The following DNAJC14 variants were observed in gnomAD, a reference collection of about 807,000 sequenced individuals.
DNAJC14 encodes the protein dnaJ homolog subfamily C member 14.
In DNAJC14, 12 loss-of-function variants were observed where a neutral mutation model predicts 68.8. That is an observed-to-expected ratio of 0.17 (90% confidence interval 0.11 to 0.28). The LOEUF (loss-of-function observed/expected upper bound fraction) is 0.28, where lower values mean the gene tolerates loss of function less well. DNAJC14 is among the 10% of genes least tolerant of loss of function. The pLI, the probability that DNAJC14 is intolerant of heterozygous loss-of-function variation, is 1.00. For missense variants in DNAJC14, 764 were observed against 875.6 expected, an observed-to-expected ratio of 0.87 and a Z score of 1.61; for synonymous variants, 350 against 321.5, an observed-to-expected ratio of 1.09 and a Z score of -0.95.
At chr12:55,829,300 C>T (rs1452850415) in intron 1 of DNAJC14, 189 bp downstream of exon 1, 2 of 876,190 alleles carry the variant, frequency 2.3e-6, no homozygotes, top group Non-Finnish European at 2.7e-6. Context: ...CAGAAATTCG[C>T]CAGGCGTGGT....
At chr12:55,829,313 C>T in intron 1 of DNAJC14, 176 bp downstream of exon 1, 1 of 881,240 alleles carries the variant, frequency 1.1e-6, no homozygotes, top group Non-Finnish European at 1.4e-6. Context: ...GGCGTGGTGG[C>T]GCGCACCTGT....
chr12:55,828,674 T>C lies in DNAJC14; in HGVS notation c.-16A>G, dbSNP rs1237006492. ...TCTGGGCCATGACCCCGGGGCTTCC[T>C]GAGGGTCTTAGGTCACAGCCATCAT... On this transcript the variant is annotated 5_prime_UTR_variant, in exon 2 of 7. Coordinates refer to ENST00000678005, the MANE Select transcript of DNAJC14 (RefSeq NM_032364.6). 1.2e-6 allele frequency: 2 copies of C among 1,604,902 alleles called. No homozygotes were observed. The highest frequency in any genetic ancestry group is 1.7e-6 in the Non-Finnish European group (2 of 1,174,618).
Position 55,828,237 on chromosome 12 carries a change from G to A in DNAJC14, c.422C>T (p.Pro141Leu), listed in dbSNP as rs1880858254. The A allele has an allele frequency of 6.2e-7, 1 of 1,608,302 alleles. No individual in the cohort carries two copies. Among genetic ancestry groups the A allele is most frequent in the East Asian group, 2.2e-5 (1 of 44,838 alleles). The change falls in exon 2 of 7, where the codon CCT becomes CTT. Residue 141 changes from proline to leucine, a missense_variant. This residue lies in a region of DNAJC14 where 514 missense variants were observed against 521.7 expected (regional missense o/e 0.99). Coordinates refer to ENST00000678005, the MANE Select transcript of DNAJC14 (RefSeq NM_032364.6). ...AGAACCATTTCCTCCCTCAGAGTAA[G>A]GCCCTTCTGGAATTCCAGGTGTTCC... Reference protein sequence around the residue: ...CQGTPGIPEGPYSEGGNGSSS... With the variant: ...CQGTPGIPEGLYSEGGNGSSS...
intron 6 of DNAJC14, 32 bp downstream of exon 6, chr12:55,822,341 G>C: frequency 6.2e-7 from 1 of 1,601,242 alleles, no homozygotes. Context: ...AACTGAAATA[G>C]TGGATAGATT....
Position 55,828,739 on chromosome 12 carries a change from C to T in DNAJC14, c.-56-25G>A, listed in dbSNP as rs1269563312. The stretch of plus-strand genomic sequence containing the variant: ...CCTGTAACAGATATCAAGGTGGAGA[C>T]AGTCAAGGATGAGACCAAGAGAGGA... On this transcript the variant is annotated intron_variant, in intron 1 of 6. Coordinates refer to ENST00000678005, the MANE Select transcript of DNAJC14 (RefSeq NM_032364.6). 20 of 1,490,112 alleles carry T rather than the reference C, an allele frequency of 1.3e-5. No individual in the cohort carries two copies. In the South Asian group the frequency reaches 2.1e-4, roughly 16 times the overall value. The allele number at this position is 1,490,112 out of a possible 1,614,324, so 92.3% of individuals were successfully genotyped here.
rs777519821 is a variant in DNAJC14, at chr12:55,828,078, G to C, written c.581C>G (p.Ser194Cys). The C allele has an allele frequency of 5.7e-5, 91 of 1,604,514 alleles. No homozygotes were observed. The highest frequency in any genetic ancestry group is 6.7e-5 in the Non-Finnish European group (79 of 1,175,456). ...SRVSSGKKPP[S>C]RRQRHRFPTK... ...TGGAAAGCGGTGCCGCTGTCTCCGG[G>C]ATGGGGGTTTCTTTCCGCTGGACAC... Residue 194 changes from serine (S) to cysteine (C), a missense_variant, in exon 2 of 7, where the codon TCC (serine) becomes TGC (cysteine). By Grantham distance (112) the Ser-to-Cys change is moderately radical. Transcript: ENST00000678005.
In DNAJC14 at chr12:55,822,009, G is replaced by T. The variant is rs113100689; in HGVS notation, c.2077C>A (p.Arg693=). 1 of 1,612,914 alleles carries T rather than the reference G, an allele frequency of 6.2e-7. No individual in the cohort carries two copies. Among genetic ancestry groups the T allele is most frequent in the African/African-American group, 1.3e-5 (1 of 74,942 alleles). ...VPKGEAKPKR[R]KKVRRPFQR ...TGGAAGGGCCTCCTCACTTTCTTCC[G>T]CCGCTTAGGTTTGGCTTCTCCCTTG... The change falls in exon 7 of 7, where the codon CGG becomes AGG. Residue 693 remains arginine (R), a synonymous_variant. Coordinates refer to ENST00000678005, the MANE Select transcript of DNAJC14 (RefSeq NM_032364.6).
chr12:55,828,172 C>G lies in DNAJC14; in HGVS notation c.487G>C (p.Gly163Arg). 1 of 1,612,874 alleles carries G rather than the reference C, an allele frequency of 6.2e-7. No homozygotes were observed. Among genetic ancestry groups the G allele is most frequent in the Non-Finnish European group, 8.5e-7 (1 of 1,179,426 alleles). The change falls in exon 2 of 7, where the codon GGG becomes CGG. Residue 163 changes from glycine (G) to arginine (R), a missense_variant. Physicochemically the swap from Gly to Arg is moderately radical, Grantham distance 125. This residue lies in a region of DNAJC14 where 514 missense variants were observed against 521.7 expected (regional missense o/e 0.99). Coordinates refer to ENST00000678005, the MANE Select transcript of DNAJC14 (RefSeq NM_032364.6). The part of the protein sequence containing the change: ...FCHHCTSPAL[G>R]EDELEEEYDD... ...TATTCCTCTTCCAACTCATCTTCCC[C>G]CAAAGCTGGAGAGGTACAGTGGTGG...
intron 2 of DNAJC14, 99 bp from the exon 3 acceptor site, chr12:55,823,607 AAG>A: frequency 9.8e-7 from 1 of 1,018,210 alleles, no homozygotes; most frequent in Admixed American, 2.0e-5. Context: ...CACCCTTTTG[AAG>A]AGTCAGTGTA....
rs1592592679 is a variant in DNAJC14 at position 55,823,099 on chromosome 12, C to G, written c.1605G>C (p.Met535Ile). ...GCTTTCCTTGGCATCGGCTACACATCATAGTATTCATTGCCTCCTTGAGGT... is the reference window on the plus strand; with the variant it reads ...GCTTTCCTTGGCATCGGCTACACATGATAGTATTCATTGCCTCCTTGAGGT... ...QDDLKEAMNT[M>I]MCSRCQGKHR... Residue 535 changes from methionine (M) to isoleucine (I), a missense_variant, in exon 4 of 7, where the codon ATG (methionine) becomes ATC (isoleucine). Around this residue, in one of 4 missense-constraint regions of DNAJC14, gnomAD observed 110 missense variants for 162.7 expected, o/e 0.68. Transcript: ENST00000678005. 1.2e-6 allele frequency: 2 copies of G among 1,614,164 alleles called. No individual in the cohort carries two copies. Among genetic ancestry groups the G allele is most frequent in the East Asian group, 2.2e-5 (1 of 44,886 alleles).
In DNAJC14 at chr12:55,823,489, T is replaced by C; in HGVS notation, c.1427A>G (p.His476Arg). The C allele has an allele frequency of 1.2e-6, 2 of 1,614,128 alleles. No individual in the cohort carries two copies. Among genetic ancestry groups the C allele is most frequent in the Non-Finnish European group, 8.5e-7 (1 of 1,180,034 alleles). ...LAVMVHPDKN[H>R]HPRAEEAFKV... Reference sequence around the variant, plus strand: ...GAAGGCCTCCTCAGCCCGGGGATGATGATTTTTGTCAGGATGAACCTACCA... The same window carrying C: ...GAAGGCCTCCTCAGCCCGGGGATGACGATTTTTGTCAGGATGAACCTACCA... Residue 476 changes from histidine to arginine, a missense_variant, in exon 3 of 7, where the codon CAT (histidine) becomes CGT (arginine). His to Arg is a conservative substitution (Grantham distance 29). Coordinates refer to ENST00000678005, the MANE Select transcript of DNAJC14 (RefSeq NM_032364.6).
In DNAJC14 at chr12:55,822,665, C is replaced by T. The variant is rs1179354800; in HGVS notation, c.1702G>A (p.Ala568Thr). 6.2e-7 allele frequency: 1 copy of T among 1,614,056 alleles called. No individual in the cohort carries two copies. Among genetic ancestry groups the T allele is most frequent in the Non-Finnish European group, 8.5e-7 (1 of 1,180,050 alleles). Reference sequence around the variant, plus strand: ...TCTGCCCAAAAGTCTCCTTCCTCAGCAGGATGCAGCCTATTACACTCAGCA... The same window carrying T: ...TCTGCCCAAAAGTCTCCTTCCTCAGTAGGATGCAGCCTATTACACTCAGCA... ...YCAECNRLHP[A>T]EEGDFWAESS... Residue 568 changes from alanine to threonine, a missense_variant, in exon 5 of 7, where the codon GCT (alanine) becomes ACT (threonine). Ala to Thr is a moderately conservative substitution (Grantham distance 58). This residue lies in a region of DNAJC14 where 6 missense variants were observed against 28.9 expected (regional missense o/e 0.21). Transcript: ENST00000678005.
In DNAJC14 at chr12:55,821,848, T is replaced by TC. The variant is rs1880674128; in HGVS notation, c.*128dup. ...CTCCAGCTGGGCAACAGAGCAAGAC[T>TC]CCATCTCAAAAAATAAAAAGAAAAA... On this transcript the variant is annotated 3_prime_UTR_variant, in exon 7 of 7. Coordinates refer to ENST00000678005, the MANE Select transcript of DNAJC14 (RefSeq NM_032364.6). 1 of 1,062,768 alleles carries TC rather than the reference T, an allele frequency of 9.4e-7. No homozygotes were observed. The highest frequency in any genetic ancestry group is 1.8e-5 in the South Asian group (1 of 54,910). 65.8% of individuals were successfully genotyped at this position (1,062,768 alleles called of 1,614,324 possible).
At chr12:55,826,430 C>T (rs1036906467) in intron 2 of DNAJC14, among the ~76,000 whole-genome samples, 4 of 151,832 alleles carry the variant, frequency 2.6e-5, no homozygotes, top group African/African-American at 9.7e-5. Context: ...GCCACCAAGC[C>T]TGGCCTCCCA....
At chr12:55,822,509 G>C (rs762933417) in intron 5 of DNAJC14, 34 bp from the exon 6 acceptor site, 1 of 1,613,018 alleles carries the variant, frequency 6.2e-7, no homozygotes, top group Non-Finnish European at 8.5e-7. Context: ...CCAAAACGTC[G>C]CAGTTTAGAG....
At chr12:55,826,503 C>T (rs1296990578) in intron 2 of DNAJC14, among the ~76,000 whole-genome samples, 1 of 151,914 alleles carries the variant, frequency 6.6e-6, no homozygotes, top group Non-Finnish European at 1.5e-5. Flanking sequence ...TGACTCTTTC[C>T]TAAGACTATG....
Position 55,828,269 on chromosome 12 carries a change from G to C in DNAJC14, c.390C>G (p.Asn130Lys). ...NSFLSIPSAC[N>K]CQGTPGIPEG... ...CTGGAATTCCAGGTGTTCCCTGGCA[G>C]TTGCAAGCAGATGGAATGGAAAGAA... Residue 130 changes from asparagine (N) to lysine (K), a missense_variant, in exon 2 of 7, where the codon AAC becomes AAG. Physicochemically the swap from Asn to Lys is moderately conservative, Grantham distance 94. Around this residue, in one of 4 missense-constraint regions of DNAJC14, gnomAD observed 514 missense variants for 521.7 expected, o/e 0.99. Coordinates refer to ENST00000678005, the MANE Select transcript of DNAJC14 (RefSeq NM_032364.6). 1.2e-6 allele frequency: 2 copies of C among 1,605,824 alleles called. No homozygotes were observed. The highest frequency in any genetic ancestry group is 1.7e-6 in the Non-Finnish European group (2 of 1,176,758).
chr12:55,829,128 A>C (rs2136222387), intron 1 of DNAJC14: 1 of 987,536 alleles, frequency 1.0e-6, no homozygotes, highest in Non-Finnish European at 1.2e-6. Flanking sequence ...AGAAAGACTA[A>C]CAGGGAACCC....
rs1242923921 is a variant in DNAJC14, at chr12:55,823,053, C to T, written c.1634+17G>A. 6.2e-7 allele frequency: 1 copy of T among 1,613,080 alleles called. No individual in the cohort carries two copies. Among genetic ancestry groups the T allele is most frequent in the Non-Finnish European group, 8.5e-7 (1 of 1,179,930 alleles). On this transcript the variant is annotated intron_variant, in intron 4 of 6. Transcript: ENST00000678005. ...CCTGAGCTGTGATTGTCCCATCCCT[C>T]TCCTTCTATTTCATACCTATGCTTT...
Sources: gnomAD v4.1 joint callset for allele counts (sites outside exome capture counted in the v4.1 genomes callset) on GRCh38, gnomAD v4.1.1 for gene constraint, gnomAD v4.1.1 regional missense constraint, MANE v1.5 for transcripts, NCBI Gene and HGNC (gene_info 2026-07-23, HGNC 2026-07-21) for gene names.